CAMKMT: variants seen among roughly 807,000 people sequenced by gnomAD.
CAMKMT encodes the protein calmodulin-lysine N-methyltransferase, also known as CaM KMT.
CAMKMT carries 53 observed loss-of-function variants against 48.0 expected under a neutral mutation model. The observed-to-expected ratio is 1.10, with a 90% CI of 0.89 to 1.39. CAMKMT has a LOEUF of 1.39. CAMKMT is among the 40% of genes most tolerant of loss of function. CAMKMT has a pLI of 0.00. For synonymous variants in CAMKMT, 165 were observed against 152.3 expected, an observed-to-expected ratio of 1.08 and a Z score of -0.61; for missense variants, 428 against 402.7, an observed-to-expected ratio of 1.06 and a Z score of -0.54.
chr2:44,731,546 A>G (rs1012206921), intron 7 of CAMKMT, among the ~76,000 whole-genome samples: 2 of 152,218 alleles, frequency 1.3e-5, no homozygotes, highest in African/African-American at 4.8e-5. Context: ...AACTTGAAAC[A>G]GAGACTCTCT....
At chr2:44,462,282 C>T (rs1394945369) in intron 3 of CAMKMT, among the ~76,000 whole-genome samples, 1 of 151,992 alleles carries the variant, frequency 6.6e-6, no homozygotes, top group Non-Finnish European at 1.5e-5. Context: ...TTATCACTTA[C>T]ATGTATTAAT....
At chr2:44,637,616 T>C (rs2103989873) in intron 3 of CAMKMT, among the ~76,000 whole-genome samples, 1 of 152,226 alleles carries the variant, frequency 6.6e-6, no homozygotes, top group East Asian at 1.9e-4. Flanking sequence ...CCCAATGGCT[T>C]CTCTACTACA....
At chr2:44,688,505 T>C (rs1328184230) in intron 3 of CAMKMT, among the ~76,000 whole-genome samples, 1 of 145,488 alleles carries the variant, frequency 6.9e-6, no homozygotes, top group Non-Finnish European at 1.5e-5. Flanking sequence ...TACATATATA[T>C]ACATATATAT....
intron 3 of CAMKMT, among the ~76,000 whole-genome samples, chr2:44,673,980 T>C (rs59476527): frequency 0.017 from 2,572 of 152,252 alleles, 38 homozygotes; most frequent in African/African-American, 0.038. Context: ...TCCTTCTTGC[T>C]GAAGAAAAGT....
intron 3 of CAMKMT, among the ~76,000 whole-genome samples, chr2:44,585,363 G>A (rs1669800790): frequency 6.6e-6 from 1 of 152,180 alleles, no homozygotes; most frequent in South Asian, 2.1e-4. Flanking sequence ...ACTTCAGAAA[G>A]GATTTTGATT....
At chr2:44,573,053 A>G (rs915088764) in intron 3 of CAMKMT, among the ~76,000 whole-genome samples, 2 of 151,706 alleles carry the variant, frequency 1.3e-5, no homozygotes, top group African/African-American at 4.9e-5. Context: ...TAGTAATAGT[A>G]ATCTTTTCAT....
chr2:44,444,851 C>G (rs1277515412), intron 3 of CAMKMT, among the ~76,000 whole-genome samples: 1 of 152,198 alleles, frequency 6.6e-6, no homozygotes, highest in Non-Finnish European at 1.5e-5. Flanking sequence ...GGGCATGTCA[C>G]AGGACATCCA....
chr2:44,538,103 C>T (rs1161150478), intron 3 of CAMKMT, among the ~76,000 whole-genome samples: 2 of 152,106 alleles, frequency 1.3e-5, no homozygotes, highest in Non-Finnish European at 2.9e-5. Flanking sequence ...GGCGTGGTCG[C>T]TCACACCTGT....
At chr2:44,396,131 G>A (rs1160072212) in intron 3 of CAMKMT, among the ~76,000 whole-genome samples, 4 of 151,848 alleles carry the variant, frequency 2.6e-5, no homozygotes, top group Admixed American at 2.6e-4. Flanking sequence ...AATTTAATAT[G>A]GGTTAAGTAT....
chr2:44,723,405 AC>A (rs975294747), intron 7 of CAMKMT, among the ~76,000 whole-genome samples: 5 of 151,992 alleles, frequency 3.3e-5, no homozygotes, highest in Non-Finnish European at 7.4e-5. Flanking sequence ...TGCGTGGCCA[AC>A]ATGGTGAAAC....
At chr2:44,516,631 T>G (rs765570912) in intron 3 of CAMKMT, among the ~76,000 whole-genome samples, 18 of 152,098 alleles carry the variant, frequency 1.2e-4, no homozygotes, top group Non-Finnish European at 2.9e-5. Flanking sequence ...TAATTTTAAT[T>G]ATATGGCCTT....
At chr2:44,454,184 G>T (rs1426731301) in intron 3 of CAMKMT, among the ~76,000 whole-genome samples, 1 of 152,070 alleles carries the variant, frequency 6.6e-6, no homozygotes, top group Non-Finnish European at 1.5e-5. Context: ...AAGTCAGAGT[G>T]AGTTATTTCA....
chr2:44,621,155 C>G (rs1348687447), intron 3 of CAMKMT, among the ~76,000 whole-genome samples: 2 of 149,226 alleles, frequency 1.3e-5, no homozygotes, highest in East Asian at 3.9e-4. Context: ...GTAGTCCCAG[C>G]TATTTGGGAG....
chr2:44,751,982 A>C (rs529599871), intron 8 of CAMKMT, among the ~76,000 whole-genome samples: 1 of 152,118 alleles, frequency 6.6e-6, no homozygotes, highest in Non-Finnish European at 1.5e-5. Flanking sequence ...GGAGTTCACC[A>C]AGACAAGGAT....
chr2:44,440,332 G>C (rs944649315), intron 3 of CAMKMT, among the ~76,000 whole-genome samples: 1 of 151,918 alleles, frequency 6.6e-6, no homozygotes, highest in Non-Finnish European at 1.5e-5. Flanking sequence ...TAGAAAATAC[G>C]GTATTATTTT....
At chr2:44,413,788 G>T (rs1195327667) in intron 3 of CAMKMT, among the ~76,000 whole-genome samples, 1 of 152,190 alleles carries the variant, frequency 6.6e-6, no homozygotes, top group East Asian at 1.9e-4. Context: ...CAGGCAAAAT[G>T]AAGATGATGC....
At chr2:44,602,130 C>G (rs1041260937) in intron 3 of CAMKMT, among the ~76,000 whole-genome samples, 4 of 152,024 alleles carry the variant, frequency 2.6e-5, no homozygotes, top group Admixed American at 2.0e-4. Flanking sequence ...CTCAGCCTCT[C>G]TAGTAGCTGG....
At chr2:44,691,462 A>G (rs2104221133) in intron 3 of CAMKMT, among the ~76,000 whole-genome samples, 1 of 152,302 alleles carries the variant, frequency 6.6e-6, no homozygotes, top group Admixed American at 6.5e-5. Flanking sequence ...GTTAAAATGG[A>G]CATTTTAAAT....
At chr2:44,450,828 A>G (rs568460720) in intron 3 of CAMKMT, among the ~76,000 whole-genome samples, 1 of 152,290 alleles carries the variant, frequency 6.6e-6, no homozygotes, top group East Asian at 1.9e-4. Context: ...TTAAAAATTG[A>G]TTTAATAGTG....
Sources: gnomAD v4.1 joint callset for allele counts (sites outside exome capture counted in the v4.1 genomes callset) on GRCh38, gnomAD v4.1.1 for gene constraint, MANE v1.5 for transcripts, NCBI Gene and HGNC (gene_info 2026-07-23, HGNC 2026-07-21) for gene names.